Variants in LEKR1 observed in about 807,000 individuals in gnomAD.
LEKR1 encodes protein LEKR1.
In LEKR1, 59 loss-of-function variants were observed where a neutral mutation model predicts 72.4. The observed-to-expected ratio is 0.82, with a 90% CI of 0.66 to 1.01. The LOEUF (loss-of-function observed/expected upper bound fraction) is 1.01. LEKR1 is among the 50% of genes least tolerant of loss of function. The pLI is 0.00. For synonymous variants in LEKR1, 257 were observed against 263.2 expected, an observed-to-expected ratio of 0.98 and a Z score of 0.23; for missense variants, 728 against 759.2, an observed-to-expected ratio of 0.96 and a Z score of 0.48.
intron 5 of LEKR1, among the ~76,000 whole-genome samples, chr3:156,929,545 A>G (rs549968043): frequency 1.9e-4 from 29 of 152,238 alleles, no homozygotes; most frequent in Middle Eastern, 3.4e-3. Flanking sequence ...TGCTAGCACA[A>G]ATTCCAATGG....
chr3:156,895,636 A>G (rs900438841), intron 3 of LEKR1, among the ~76,000 whole-genome samples: 4 of 152,106 alleles, frequency 2.6e-5, no homozygotes, highest in Non-Finnish European at 5.9e-5. Flanking sequence ...ACAGAAACAA[A>G]AAACAAATAA....
chr3:156,993,020 A>T (rs891250982), intron 8 of LEKR1, 54 bp from the exon 9 acceptor site: 10 of 898,256 alleles, frequency 1.1e-5, no homozygotes, highest in Non-Finnish European at 1.7e-5. Context: ...TTTGGTAAAT[A>T]TAAAATGTAG....
intron 2 of LEKR1, among the ~76,000 whole-genome samples, chr3:156,846,575 G>A (rs1458595191): frequency 6.6e-6 from 1 of 151,936 alleles, no homozygotes; most frequent in Non-Finnish European, 1.5e-5. Context: ...TTTGACTAAT[G>A]AGCTTGAAGT....
At chr3:156,921,908 A>T (rs1319908942) in intron 4 of LEKR1, among the ~76,000 whole-genome samples, 1 of 152,194 alleles carries the variant, frequency 6.6e-6, no homozygotes, top group African/African-American at 2.4e-5. Context: ...AGAAACATAG[A>T]CATACAAATG....
At chr3:156,900,812 G>A (rs1560065968) in intron 3 of LEKR1, among the ~76,000 whole-genome samples, 1 of 152,038 alleles carries the variant, frequency 6.6e-6, no homozygotes, top group African/African-American at 2.4e-5. Context: ...ATACTATACA[G>A]TTTTTTTGTG....
intron 6 of LEKR1, among the ~76,000 whole-genome samples, chr3:156,976,798 G>A (rs888218314): frequency 2.0e-5 from 3 of 152,096 alleles, no homozygotes; most frequent in Admixed American, 2.0e-4. Context: ...TTGAATTATA[G>A]GATCTAACTA....
At chr3:156,936,466 C>CACACACACACA (rs71931633) in intron 5 of LEKR1, among the ~76,000 whole-genome samples, 6 of 57,276 alleles carry the variant, frequency 1.0e-4, no homozygotes, top group African/African-American at 2.0e-4. Flanking sequence ...CACACACACA[C>CACACACACACA]CCCCCGTATG....
At chr3:156,911,514 C>T (rs1353031737) in intron 3 of LEKR1, among the ~76,000 whole-genome samples, 2 of 151,926 alleles carry the variant, frequency 1.3e-5, no homozygotes, top group Non-Finnish European at 2.9e-5. Context: ...TTAGTTAGGT[C>T]CCTTTATCAA....
chr3:157,045,515 G>A lies in LEKR1; in HGVS notation c.1844G>A (p.Ser615Asn). The A allele has an allele frequency of 6.2e-7, 1 of 1,614,142 alleles. No homozygotes were observed. The highest frequency in any genetic ancestry group is 8.5e-7 in the Non-Finnish European group (1 of 1,180,012). Reference protein sequence around the residue: ...GSLTSPAAAVSNHGERSLARL... With the variant: ...GSLTSPAAAVNNHGERSLARL... ...CTAACCTCCCCTGCTGCAGCAGTCA[G>A]TAATCATGGAGAGAGAAGCCTTGCA... The change falls in exon 13 of 13, where the codon AGT becomes AAT. Residue 615 changes from serine (S) to asparagine (N), a missense_variant. Ser to Asn is a conservative substitution (Grantham distance 46). Coordinates refer to ENST00000356539, the MANE Select transcript of LEKR1 (RefSeq NM_001004316.3).
chr3:156,877,095 A>C (rs1008981129), intron 3 of LEKR1, among the ~76,000 whole-genome samples: 2 of 151,828 alleles, frequency 1.3e-5, no homozygotes, highest in South Asian at 4.2e-4. Context: ...TTTTTAAAAA[A>C]TTCTATTTAT....
intron 9 of LEKR1, among the ~76,000 whole-genome samples, chr3:156,997,047 A>G (rs1460243310): frequency 1.3e-5 from 2 of 150,954 alleles, no homozygotes; most frequent in Admixed American, 6.6e-5. Flanking sequence ...CCTGGGCAAC[A>G]AGAGCAAAAC....
At chr3:156,863,697 C>T (rs959178570) in intron 3 of LEKR1, among the ~76,000 whole-genome samples, 3 of 152,062 alleles carry the variant, frequency 2.0e-5, no homozygotes, top group African/African-American at 7.2e-5. Context: ...AATAATGATG[C>T]TCACACAGCT....
At chr3:156,940,085 T>C (rs1478949721) in intron 5 of LEKR1, among the ~76,000 whole-genome samples, 1 of 152,144 alleles carries the variant, frequency 6.6e-6, no homozygotes, top group African/African-American at 2.4e-5. Flanking sequence ...GATCTTCAAC[T>C]AGTGGTATAT....
intron 4 of LEKR1, among the ~76,000 whole-genome samples, chr3:156,923,855 G>A (rs546233409): frequency 2.6e-5 from 4 of 152,052 alleles, no homozygotes; most frequent in Admixed American, 2.6e-4. Context: ...AGCCTCCCGA[G>A]TAGCTGGGAC....
At chr3:157,031,132 C>T (rs1041278765) in intron 12 of LEKR1, among the ~76,000 whole-genome samples, 4 of 152,002 alleles carry the variant, frequency 2.6e-5, no homozygotes, top group East Asian at 3.9e-4. Context: ...CACAGGGCTT[C>T]GGGAGGTGAT....
At chr3:156,868,367 T>C (rs908710773) in intron 3 of LEKR1, among the ~76,000 whole-genome samples, 27 of 151,992 alleles carry the variant, frequency 1.8e-4, no homozygotes, top group African/African-American at 5.8e-4. Context: ...CTGTATTGAG[T>C]TTTGTCACCT....
At chr3:156,974,059 A>G (rs966120069) in intron 6 of LEKR1, among the ~76,000 whole-genome samples, 1 of 152,142 alleles carries the variant, frequency 6.6e-6, no homozygotes, top group Non-Finnish European at 1.5e-5. Context: ...TAAGTACACA[A>G]CAAGATGGGT....
intron 3 of LEKR1, among the ~76,000 whole-genome samples, chr3:156,871,662 G>C (rs936568804): frequency 5.9e-5 from 9 of 152,176 alleles, no homozygotes; most frequent in African/African-American, 2.2e-4. Context: ...ACTGGTGTGA[G>C]ATGGTATCTC....
intron 12 of LEKR1, among the ~76,000 whole-genome samples, chr3:157,039,185 G>C (rs1391166803): frequency 6.6e-6 from 1 of 152,220 alleles, no homozygotes; most frequent in Non-Finnish European, 1.5e-5. Flanking sequence ...AGTGTAGGAA[G>C]AGATAGACAG....
Sources: allele counts gnomAD v4.1 joint callset (sites outside exome capture counted in the v4.1 genomes callset), GRCh38; gene constraint gnomAD v4.1.1; transcripts MANE v1.5; gene names NCBI Gene and HGNC (gene_info 2026-07-23, HGNC 2026-07-21).